The following SAP30BP variants were observed in gnomAD, a reference collection of about 807,000 sequenced individuals.
The protein encoded by SAP30BP is SAP30 binding protein.
A neutral mutation model predicts 46.3 loss-of-function variants in SAP30BP; 31 were observed. That is an observed-to-expected ratio of 0.67 (90% confidence interval 0.50 to 0.90). The LOEUF (loss-of-function observed/expected upper bound fraction) is 0.90, where lower values mean the gene tolerates loss of function less well. Ranked by LOEUF, SAP30BP falls within the 40% of genes least tolerant of loss-of-function variation. The pLI is 0.00. For missense variants in SAP30BP, 312 were observed against 391.0 expected, an observed-to-expected ratio of 0.80 and a Z score of 1.70; for synonymous variants, 169 against 144.2, an observed-to-expected ratio of 1.17 and a Z score of -1.23.
chr17:75,673,645 A>T (rs1239492788), intron 3 of SAP30BP, among the ~76,000 whole-genome samples: 23 of 152,154 alleles, frequency 1.5e-4, no homozygotes, highest in Non-Finnish European at 2.9e-4. Flanking sequence ...AAAATACTGT[A>T]ATCCAGGCAA....
At chr17:75,705,126 A>G (rs970214028) in intron 9 of SAP30BP, 2 of 371,078 alleles carry the variant, frequency 5.4e-6, no homozygotes, top group African/African-American at 4.2e-5. Flanking sequence ...AGGGAGGGAA[A>G]TAGTTCCCTA....
intron 5 of SAP30BP, among the ~76,000 whole-genome samples, chr17:75,701,313 G>A (rs7215584): frequency 0.01 from 1,552 of 152,282 alleles, 24 homozygotes; most frequent in African/African-American, 0.034. Flanking sequence ...GCCAGTGCCC[G>A]CCTTCCTTGC....
intron 3 of SAP30BP, among the ~76,000 whole-genome samples, chr17:75,674,863 G>A (rs2059966702): frequency 6.6e-6 from 1 of 151,308 alleles, no homozygotes; most frequent in African/African-American, 2.4e-5. Flanking sequence ...ATCACACCTA[G>A]CAATTTTTTT....
chr17:75,685,550 A>T (rs532239382), intron 3 of SAP30BP, among the ~76,000 whole-genome samples: 2 of 152,196 alleles, frequency 1.3e-5, no homozygotes, highest in Admixed American at 6.5e-5. Context: ...TTTGCCTGAG[A>T]TGTTGATGTA....
Position 75,706,583 on chromosome 17 carries a change from A to T in SAP30BP, c.*62A>T. The T allele has an allele frequency of 6.8e-7, 1 of 1,470,110 alleles. No homozygotes were observed. The highest frequency in any genetic ancestry group is 9.4e-7 in the Non-Finnish European group (1 of 1,060,942). 91.1% of individuals were successfully genotyped at this position (1,470,110 alleles called of 1,614,324 possible). ...AGCCCAGTGACCACTGCCCAGTGGGAGGCGCCACTTTGTATATTTCAGGAC... is the reference window on the plus strand; with the variant it reads ...AGCCCAGTGACCACTGCCCAGTGGGTGGCGCCACTTTGTATATTTCAGGAC... On this transcript the variant is annotated 3_prime_UTR_variant, in exon 11 of 11. Transcript: ENST00000584667. The surrounding 1 kb of genome is among the most constrained non-coding windows in gnomAD (Gnocchi z 4.6).
intron 3 of SAP30BP, among the ~76,000 whole-genome samples, chr17:75,682,145 A>AG (rs2060085583): frequency 6.6e-6 from 1 of 151,988 alleles, no homozygotes; most frequent in East Asian, 1.9e-4. Flanking sequence ...ATTTTGCAAA[A>AG]GGAAAAAAAA....
At chr17:75,705,481 G>A (rs113696563) in intron 9 of SAP30BP, 2 of 265,926 alleles carry the variant, frequency 7.5e-6, no homozygotes, top group Admixed American at 5.6e-5. Context: ...CATGCTGGTG[G>A]CCCTCTGGAG....
At chr17:75,693,098 C>G (rs577099179) in intron 3 of SAP30BP, 2 of 219,032 alleles carry the variant, frequency 9.1e-6, no homozygotes, top group African/African-American at 4.6e-5. Context: ...GGCAAGCTTC[C>G]TCAGACCCAG....
rs561138483 is a variant in SAP30BP at position 75,683,054 on chromosome 17, A to ATT, written c.265-10379_265-10378dup. Among the ~76,000 whole-genome samples the ATT allele has an allele frequency of 5.6e-3, 786 of 140,622 alleles. 8 individuals are homozygous for ATT. Among genetic ancestry groups the ATT allele is most frequent in the South Asian group, 0.01 (46 of 4,594 alleles). 92.3% of individuals were successfully genotyped at this position (140,622 alleles called of 152,430 possible). ...ATTTATTTTATTTATTTATTTATTT[A>ATT]TTTTTTTTGAGACAGAGTCTCACTC... On this transcript the variant is annotated intron_variant, in intron 3 of 10. Coordinates refer to ENST00000584667, the MANE Select transcript of SAP30BP (RefSeq NM_013260.8).
chr17:75,691,723 GT>G (rs1353826689), intron 3 of SAP30BP: 8 of 338,864 alleles, frequency 2.4e-5, no homozygotes, highest in Non-Finnish European at 4.6e-5. Context: ...TTAACGAATG[GT>G]CAGTCCCTGT....
At chr17:75,681,239 G>C (rs140788871) in intron 3 of SAP30BP, among the ~76,000 whole-genome samples, 4 of 152,254 alleles carry the variant, frequency 2.6e-5, no homozygotes, top group Non-Finnish European at 5.9e-5. Context: ...GAGTTTGCTG[G>C]GTTACCCCAG....
At position 75,692,450 on chromosome 17, in the gene SAP30BP, C is replaced by T. The variant is rs1045689580; in HGVS notation, c.265-990C>T. 6 of 985,320 alleles carry T rather than the reference C, an allele frequency of 6.1e-6. No homozygotes were observed. The African/African-American group carries it at 1.0e-4, about 17-fold the overall frequency. 61.0% of individuals were successfully genotyped at this position (985,320 alleles called of 1,614,324 possible). A position where few individuals can be genotyped will look rare whatever the true frequency, so the allele number is the denominator to read the frequency against. On this transcript the variant is annotated intron_variant, in intron 3 of 10. Transcript: ENST00000584667. ...CTGCCTCTGCTGTTTTGATGATGAGCACGTGTGGCCCTTGAGATTGTTGAT... is the reference window on the plus strand; with the variant it reads ...CTGCCTCTGCTGTTTTGATGATGAGTACGTGTGGCCCTTGAGATTGTTGAT...
intron 3 of SAP30BP, among the ~76,000 whole-genome samples, chr17:75,682,757 A>T (rs56397972): frequency 6.6e-6 from 1 of 150,660 alleles, no homozygotes; most frequent in Admixed American, 6.6e-5. Context: ...AGGTCAGGAT[A>T]TCAAGACCAT....
At chr17:75,703,918 C>G in intron 8 of SAP30BP, 59 bp downstream of exon 8, 1 of 1,245,702 alleles carries the variant, frequency 8.0e-7, no homozygotes, top group Non-Finnish European at 1.2e-6. Flanking sequence ...TCCCTTTATC[C>G]AGTCAGTTGG....
intron 3 of SAP30BP, among the ~76,000 whole-genome samples, chr17:75,688,672 G>C (rs533938155): frequency 6.6e-6 from 1 of 152,104 alleles, no homozygotes; most frequent in Admixed American, 6.6e-5. Flanking sequence ...CTCAGGACTT[G>C]GTACTTCTCT....
At chr17:75,704,059 G>A (rs1415054538) in intron 8 of SAP30BP, among the ~76,000 whole-genome samples, 200 bp downstream of exon 8, 3 of 152,148 alleles carry the variant, frequency 2.0e-5, no homozygotes, top group East Asian at 1.9e-4. Flanking sequence ...AAGATGGAAC[G>A]TCACGCCAGT....
intron 1 of SAP30BP, 139 bp downstream of exon 1, chr17:75,667,617 G>C: frequency 2.9e-6 from 2 of 698,396 alleles, no homozygotes; most frequent in Non-Finnish European, 2.4e-6. Context: ...TCCGGGGTGA[G>C]ATAGAGCATT....
chr17:75,702,224 A>C (rs965475386), intron 5 of SAP30BP, among the ~76,000 whole-genome samples: 6 of 152,052 alleles, frequency 3.9e-5, no homozygotes, highest in African/African-American at 1.4e-4. Context: ...TGGGGTTTCA[A>C]CATGTGGGCC....
Position 75,702,499 on chromosome 17 carries a change from A to G in SAP30BP, c.416A>G (p.Tyr139Cys). Reference protein sequence around the residue: ...NHLQDKIQKLYERKIKEGMDM... With the variant: ...NHLQDKIQKLCERKIKEGMDM... The stretch of plus-strand genomic sequence containing the variant: ...TCACAGGACAAGATCCAGAAGCTTT[A>G]TGAACGAAAGATAAAGGAGGGAATG... Residue 139 changes from tyrosine (Y) to cysteine (C), a missense_variant, in exon 6 of 11, where the codon TAT becomes TGT. Around this residue, in one of 2 missense-constraint regions of SAP30BP, gnomAD observed 296 missense variants for 346.6 expected, o/e 0.85. Transcript: ENST00000584667. 1 of 1,574,344 alleles carries G rather than the reference A, an allele frequency of 6.4e-7. No individual in the cohort carries two copies. The highest frequency in any genetic ancestry group is 8.7e-7 in the Non-Finnish European group (1 of 1,145,622).
Sources: allele counts gnomAD v4.1 joint callset (sites outside exome capture counted in the v4.1 genomes callset), GRCh38; gene constraint gnomAD v4.1.1; regional missense constraint gnomAD v4.1.1; non-coding constraint Gnocchi (gnomAD v3.1); transcripts MANE v1.5; gene names NCBI Gene and HGNC (gene_info 2026-07-23, HGNC 2026-07-21).